The following PITPNM3 variants were observed in gnomAD, a reference collection of about 807,000 sequenced individuals.
The protein encoded by PITPNM3 is PITPNM family member 3.
In PITPNM3, 26 loss-of-function variants were observed where a neutral mutation model predicts 102.0. That is an observed-to-expected ratio of 0.25 (90% CI 0.19 to 0.35). PITPNM3 has a LOEUF of 0.35. Ranked by LOEUF, PITPNM3 falls within the 10% of genes least tolerant of loss-of-function variation. The pLI is 1.00. For synonymous variants in PITPNM3, 578 were observed against 558.6 expected (o/e 1.03, Z -0.49); for missense variants, 1,083 against 1,346.1 (o/e 0.80, Z 3.06).
rs776524993 is a variant in PITPNM3, at chr17:6,470,448, C to G, written c.1625-40G>C. The G allele has an allele frequency of 1.9e-6, 3 of 1,613,310 alleles. No individual in the cohort carries two copies. Among genetic ancestry groups the G allele is most frequent in the South Asian group, 1.1e-5 (1 of 91,058 alleles). ...GGAAGGTGAGGATGCGTGGCCGGCC[C>G]GGGGCCTCACCCGAGGGGCAGCGGG... On this transcript the variant is annotated intron_variant, in intron 12 of 19. Coordinates refer to ENST00000262483, the MANE Select transcript of PITPNM3 (RefSeq NM_031220.4). This position sits in a 1 kb window ranked among gnomAD's most constrained non-coding sequence, Gnocchi z 4.8.
intron 18 of PITPNM3, chr17:6,460,857 G>A (rs1477989240): frequency 4.6e-6 from 1 of 218,112 alleles, no homozygotes; most frequent in African/African-American, 2.3e-5. Context: ...TGATTGAGTA[G>A]GTCTAAGAGG....
intron 1 of PITPNM3, among the ~76,000 whole-genome samples, chr17:6,552,825 G>A (rs913916316): frequency 1.4e-5 from 2 of 142,234 alleles, no homozygotes; most frequent in Admixed American, 7.4e-5. Context: ...GGAGTGCAAC[G>A]GCACGATCTC....
At chr17:6,455,868 C>G (rs866090175) in intron 19 of PITPNM3, among the ~76,000 whole-genome samples, 1 of 151,318 alleles carries the variant, frequency 6.6e-6, no homozygotes, top group Non-Finnish European at 1.5e-5. Context: ...GAACACTCTA[C>G]GGAGGCACCT....
In PITPNM3 at chr17:6,537,974, G is replaced by T; in HGVS notation, c.118+13C>A. 6.2e-7 allele frequency: 1 copy of T among 1,602,872 alleles called. No individual in the cohort carries two copies. Reference sequence around the variant, plus strand: ...GTCACCCAGCCAGTGATATGAGACTGGGGTTCACTCACCTCTGGCATCAAA... The same window carrying T: ...GTCACCCAGCCAGTGATATGAGACTTGGGTTCACTCACCTCTGGCATCAAA... On this transcript the variant is annotated intron_variant, in intron 2 of 19. Transcript: ENST00000262483. The surrounding 1 kb of genome is among the most constrained non-coding windows in gnomAD (Gnocchi z 4.4).
intron 4 of PITPNM3, among the ~76,000 whole-genome samples, chr17:6,493,154 A>G (rs1181122320): frequency 6.6e-6 from 1 of 152,222 alleles, no homozygotes; most frequent in Admixed American, 6.5e-5. Flanking sequence ...AAACAGCTTG[A>G]GTCAGGGTAG....
intron 2 of PITPNM3, among the ~76,000 whole-genome samples, chr17:6,532,206 C>T (rs1489202526): frequency 6.6e-6 from 1 of 152,074 alleles, no homozygotes; most frequent in Non-Finnish European, 1.5e-5. Context: ...TCGCAGGTGG[C>T]TCATTTCTCA....
At position 6,517,786 on chromosome 17, in the gene PITPNM3, C is replaced by A. The variant is rs1018509552; in HGVS notation, c.226+7570G>T. Among the ~76,000 whole-genome samples, 4 of 152,260 alleles carry A rather than the reference C, an allele frequency of 2.6e-5. No individual in the cohort carries two copies. Among genetic ancestry groups the A allele is most frequent in the Admixed American group, 2.0e-4 (3 of 15,306 alleles). The stretch of plus-strand genomic sequence containing the variant: ...CTTTACCCAGGCTGGTCCCAAATTC[C>A]TGGGCTCAAGCGATCCTCCCACCTC... On this transcript the variant is annotated intron_variant, in intron 3 of 19. Transcript: ENST00000262483. The surrounding 1 kb of genome is among the most constrained non-coding windows in gnomAD (Gnocchi z 4.1).
chr17:6,538,038 C>A lies in PITPNM3; in HGVS notation c.67G>T (p.Val23Phe). ...GGGAPWHLRN[V>F]LSDSVESSDD... is the part of the protein sequence containing the mutation. ...GAGCTCTCCACAGAGTCACTGAGGA[C>A]ATTTCGAAGGTGCCAGGGGGCACCG... Residue 23 changes from valine (V) to phenylalanine (F), a missense_variant, in exon 2 of 20, where the codon GTC (valine) becomes TTC (phenylalanine). Physicochemically the swap from Val to Phe is conservative, Grantham distance 50. This residue lies in a region of PITPNM3 where 290 missense variants were observed against 337.8 expected (regional missense o/e 0.86). Coordinates refer to ENST00000262483, the MANE Select transcript of PITPNM3 (RefSeq NM_031220.4). 3.1e-6 allele frequency: 5 copies of A among 1,613,452 alleles called. No individual in the cohort carries two copies. The highest frequency in any genetic ancestry group is 4.2e-6 in the Non-Finnish European group (5 of 1,179,568).
Position 6,455,487 on chromosome 17 carries a change from T to C in PITPNM3, c.2776A>G (p.Thr926Ala). ...GGGTCGGGCTGCTGCACTGACATGG[T>C]TCTGCGCAGGTGGTTGCGCTTCCGC... ...FLRKRNHLRR[T>A]MSVQQPDPPA... Residue 926 changes from threonine to alanine, a missense_variant, in exon 20 of 20, where the codon ACC (threonine) becomes GCC (alanine). Thr to Ala is a moderately conservative substitution (Grantham distance 58). This residue lies in a region of PITPNM3 where 208 missense variants were observed against 178.2 expected (regional missense o/e 1.17). Coordinates refer to ENST00000262483, the MANE Select transcript of PITPNM3 (RefSeq NM_031220.4). The C allele has an allele frequency of 6.2e-7, 1 of 1,605,972 alleles. No homozygotes were observed. Among genetic ancestry groups the C allele is most frequent in the Non-Finnish European group, 8.5e-7 (1 of 1,179,596 alleles).
In PITPNM3 at chr17:6,457,688, G is replaced by A. The variant is rs781534786; in HGVS notation, c.2525C>T (p.Thr842Met). The A allele has an allele frequency of 6.2e-6, 10 of 1,603,064 alleles. No individual in the cohort carries two copies. In the South Asian group the frequency reaches 6.7e-5, roughly 11 times the overall value. ...CACGCTGTAGACAGAGATGTCCTTC[G>A]TGGAGCCATAGGCCGCACTGATTTT... ...FIKISAAYGS[T>M]KDISVYSVLG... Residue 842 changes from threonine (T) to methionine (M), a missense_variant, in exon 19 of 20, where the codon ACG becomes ATG. Thr to Met is a moderately conservative substitution (Grantham distance 81). This residue lies in a region of PITPNM3 where 410 missense variants were observed against 638.4 expected (regional missense o/e 0.64). Transcript: ENST00000262483. The surrounding 1 kb of genome is among the most constrained non-coding windows in gnomAD (Gnocchi z 4.7).
At chr17:6,520,073 A>G (rs1908422237) in intron 3 of PITPNM3, among the ~76,000 whole-genome samples, 1 of 152,234 alleles carries the variant, frequency 6.6e-6, no homozygotes, top group Non-Finnish European at 1.5e-5. Context: ...AGAAATTCAG[A>G]GGAAAGAAAA....
intron 18 of PITPNM3, 46 bp downstream of exon 18, chr17:6,461,327 C>A (rs1298384266): frequency 6.3e-7 from 1 of 1,588,576 alleles, no homozygotes; most frequent in African/African-American, 1.3e-5. Flanking sequence ...GAGAGGAGGG[C>A]TGCGCTCTCA....
chr17:6,538,675 G>T (rs1358595298), intron 1 of PITPNM3, among the ~76,000 whole-genome samples: 1 of 152,212 alleles, frequency 6.6e-6, no homozygotes, highest in Non-Finnish European at 1.5e-5. Context: ...GTCCCTCAGA[G>T]ACCTGCATTC....
At chr17:6,548,871 G>C (rs886955084) in intron 1 of PITPNM3, among the ~76,000 whole-genome samples, 1 of 152,082 alleles carries the variant, frequency 6.6e-6, no homozygotes, top group Non-Finnish European at 1.5e-5. Context: ...AGAGCCCAAC[G>C]CGTTTCTATT....
chr17:6,547,115 A>ATCTT (rs1910063991), intron 1 of PITPNM3, among the ~76,000 whole-genome samples: 1 of 152,314 alleles, frequency 6.6e-6, no homozygotes, highest in East Asian at 1.9e-4. Flanking sequence ...TCAGTAAGAA[A>ATCTT]GGACTCACGA....
intron 4 of PITPNM3, among the ~76,000 whole-genome samples, chr17:6,495,794 G>T (rs569115093): frequency 7.5e-6 from 1 of 133,154 alleles, no homozygotes. Flanking sequence ...CAGCACAGCT[G>T]CAAGGGAATG....
At chr17:6,460,671 G>A (rs1190183795) in intron 18 of PITPNM3, 1 of 152,546 alleles carries the variant, frequency 6.6e-6, no homozygotes, top group East Asian at 1.9e-4. Context: ...CCATTTGAAA[G>A]TGTAAAAACC....
chr17:6,461,954 T>C lies in PITPNM3; in HGVS notation c.2307-398A>G, dbSNP rs971682828. ...AGCCCTCTCACTTAAGCCTTGCTTCTCATCCTTAGCTCGGGCCCCATCTCT... is the reference window on the plus strand; with the variant it reads ...AGCCCTCTCACTTAAGCCTTGCTTCCCATCCTTAGCTCGGGCCCCATCTCT... On this transcript the variant is annotated intron_variant, in intron 17 of 19. Coordinates refer to ENST00000262483, the MANE Select transcript of PITPNM3 (RefSeq NM_031220.4). 2.0e-5 allele frequency among the ~76,000 whole-genome samples: 3 copies of C among 152,132 alleles called. No homozygotes were observed. The East Asian group carries it at 5.8e-4, about 30-fold the overall frequency.
intron 1 of PITPNM3, among the ~76,000 whole-genome samples, chr17:6,554,850 G>A (rs1294039592): frequency 6.6e-6 from 1 of 152,190 alleles, no homozygotes; most frequent in African/African-American, 2.4e-5. Context: ...CTCCCTCCCA[G>A]GATCACGGTA....
Sources: allele counts gnomAD v4.1 joint callset (sites outside exome capture counted in the v4.1 genomes callset), GRCh38; gene constraint gnomAD v4.1.1; regional missense constraint gnomAD v4.1.1; non-coding constraint Gnocchi (gnomAD v3.1); transcripts MANE v1.5; gene names NCBI Gene and HGNC (gene_info 2026-07-23, HGNC 2026-07-21).